The following KLHL5 variants were observed in gnomAD, a reference collection of about 807,000 sequenced individuals.
KLHL5 encodes kelch-like protein 5.
In KLHL5, 48 loss-of-function variants were observed where a neutral mutation model predicts 77.7. The ratio of observed to expected loss-of-function variants is 0.62; its 90% CI spans 0.49 to 0.79. The LOEUF (loss-of-function observed/expected upper bound fraction) is 0.79. Ranked by LOEUF, KLHL5 falls within the 30% of genes least tolerant of loss-of-function variation. The pLI, the probability that KLHL5 is intolerant of heterozygous loss-of-function variation, is 0.00. For missense variants in KLHL5, 723 were observed against 859.7 expected, an observed-to-expected ratio of 0.84 and a Z score of 1.99; for synonymous variants, 260 against 297.0, an observed-to-expected ratio of 0.88 and a Z score of 1.28.
At chr4:39,086,817 G>A (rs2109407687) in intron 5 of KLHL5, 90 bp downstream of exon 5, 2 of 945,490 alleles carry the variant, frequency 2.1e-6, no homozygotes, top group Non-Finnish European at 3.3e-6. Flanking sequence ...AAACGTGTAG[G>A]TGAAAAGATA....
the KLHL5 span, among the ~76,000 whole-genome samples, chr4:39,140,715 T>G: frequency 6.6e-6 from 1 of 152,218 alleles, no homozygotes; most frequent in African/African-American, 2.4e-5. Flanking sequence ...AATTGATTAT[T>G]GAAAACTGCA....
At chr4:39,083,515 T>C (rs2109391523) in intron 4 of KLHL5, among the ~76,000 whole-genome samples, 1 of 152,316 alleles carries the variant, frequency 6.6e-6, no homozygotes, top group South Asian at 2.1e-4. Context: ...AAAGAGATTG[T>C]ACAACAGGAT....
chr4:39,124,802 C>CAAAA lies in KLHL5; in HGVS notation c.*3757_*3760dup, dbSNP rs71643268. On this transcript the variant is annotated 3_prime_UTR_variant, in exon 11 of 11. Coordinates refer to ENST00000504108, the MANE Select transcript of KLHL5 (RefSeq NM_015990.5). Reference sequence around the variant, plus strand: ...GCACCAAAAGCACAAGCAACAACAGCAAAAAAAAAAAAAAAAAAAAAAAAT... The same window carrying CAAAA: ...GCACCAAAAGCACAAGCAACAACAGCAAAAAAAAAAAAAAAAAAAAAAAAAAAAT... 0.2 allele frequency among the ~76,000 whole-genome samples: 8,609 copies of CAAAA among 43,308 alleles called. 818 individuals are homozygous for CAAAA. Among genetic ancestry groups the CAAAA allele is most frequent in the Non-Finnish European group, 0.27 (6,016 of 22,260 alleles). 28.4% of individuals were successfully genotyped at this position (43,308 alleles called of 152,430 possible). A position where few individuals can be genotyped will look rare whatever the true frequency, so the allele number is the denominator to read the frequency against.
chr4:39,059,121 G>A (rs1174753057), upstream of KLHL5, among the ~76,000 whole-genome samples: 1 of 152,010 alleles, frequency 6.6e-6, no homozygotes, highest in Non-Finnish European at 1.5e-5. Context: ...AAATTTTGGG[G>A]CAAAACAATT....
intron 1 of KLHL5, among the ~76,000 whole-genome samples, chr4:39,065,195 C>G (rs535379020): frequency 6.6e-6 from 1 of 152,016 alleles, no homozygotes; most frequent in South Asian, 2.1e-4. Flanking sequence ...TTACATCTTC[C>G]TTCAACACCC....
upstream of KLHL5, chr4:39,062,198 AAG>A: frequency 4.9e-6 from 5 of 1,018,246 alleles, no homozygotes; most frequent in Middle Eastern, 4.6e-4. Context: ...TCAGCAATGA[AAG>A]AGTTAATATA....
chr4:39,108,796 G>A (rs1722229199), intron 8 of KLHL5, among the ~76,000 whole-genome samples: 1 of 152,098 alleles, frequency 6.6e-6, no homozygotes, highest in Non-Finnish European at 1.5e-5. Flanking sequence ...TGACCCTTTG[G>A]TTTAAACCTT....
intron 1 of KLHL5, among the ~76,000 whole-genome samples, chr4:39,065,463 C>G (rs1717809984): frequency 6.6e-6 from 1 of 151,756 alleles, no homozygotes; most frequent in Non-Finnish European, 1.5e-5. Flanking sequence ...AAGCCATTCT[C>G]CTGCCTCAGC....
At chr4:39,090,543 G>A (rs548362757) in intron 5 of KLHL5, among the ~76,000 whole-genome samples, 103 of 151,608 alleles carry the variant, frequency 6.8e-4, no homozygotes, top group African/African-American at 2.4e-3. Flanking sequence ...CTGCCTCCTG[G>A]GTTCAAGAGA....
chr4:39,109,982 C>T (rs1170129256), intron 8 of KLHL5, among the ~76,000 whole-genome samples: 25 of 152,248 alleles, frequency 1.6e-4, no homozygotes, highest in Non-Finnish European at 5.9e-5. Flanking sequence ...AATTTTTCTT[C>T]CTACCATGTT....
At chr4:39,048,638 C>CTT (rs34713116) in intron 1 of KLHL5, among the ~76,000 whole-genome samples, 21 of 79,134 alleles carry the variant, frequency 2.7e-4, no homozygotes, top group African/African-American at 5.4e-4. Flanking sequence ...TTTACATTGG[C>CTT]TTTTTTTTTT....
intron 6 of KLHL5, 60 bp downstream of exon 6, chr4:39,096,938 G>T: frequency 7.3e-7 from 1 of 1,374,982 alleles, no homozygotes. Flanking sequence ...TTTAATAAGT[G>T]TATATATGGC....
rs955852175 is a variant in KLHL5 at position 39,062,392 on chromosome 4, A to C, written c.-261A>C. The C allele has an allele frequency of 6.9e-7, 1 of 1,455,992 alleles. No homozygotes were observed. Among genetic ancestry groups the C allele is most frequent in the African/African-American group, 1.4e-5 (1 of 70,034 alleles). The allele number at this position is 1,455,992 out of a possible 1,614,324, so 90.2% of individuals were successfully genotyped here. ...GCCGGGAAAGTGGTCTAGCTGCTTC[A>C]GGATAGGTGGATGAGAGTTTGCTCT... On this transcript the variant is annotated 5_prime_UTR_variant, in exon 1 of 11. Transcript: ENST00000504108.
At chr4:39,126,859 T>G (rs554641727), downstream of KLHL5, 1 of 404,386 alleles carries the variant, frequency 2.5e-6, no homozygotes, top group African/African-American at 2.1e-5. Flanking sequence ...GTATTTAATG[T>G]AAGTAACTAG....
At chr4:39,067,183 T>G (rs1336158849) in intron 1 of KLHL5, among the ~76,000 whole-genome samples, 1 of 152,222 alleles carries the variant, frequency 6.6e-6, no homozygotes, top group East Asian at 1.9e-4. Context: ...TATGTCTCCT[T>G]AGCCTCCTCT....
intron 4 of KLHL5, among the ~76,000 whole-genome samples, chr4:39,083,036 A>C (rs767692571): frequency 3.9e-5 from 6 of 152,178 alleles, no homozygotes; most frequent in Non-Finnish European, 8.8e-5. Context: ...ATTCACATAC[A>C]TATGTACAGT....
In KLHL5 at chr4:39,122,201, T is replaced by TA. The variant is rs1723248498; in HGVS notation, c.*1136dup. 1.3e-5 allele frequency: 2 copies of TA among 152,606 alleles called. No homozygotes were observed. Among genetic ancestry groups the TA allele is most frequent in the South Asian group, 4.1e-4 (2 of 4,826 alleles). 9.5% of individuals were successfully genotyped at this position (152,606 alleles called of 1,614,324 possible). A position where few individuals can be genotyped will look rare whatever the true frequency, so the allele number is the denominator to read the frequency against. ...ACATTTTGTGATAAATCCTATAAGA[T>TA]ATAAGTCATTGAGATGTCTAAGATG... On this transcript the variant is annotated 3_prime_UTR_variant, in exon 11 of 11. Coordinates refer to ENST00000504108, the MANE Select transcript of KLHL5 (RefSeq NM_015990.5).
At chr4:39,095,874 TTATATATGTTATACATA>T (rs918715864) in intron 5 of KLHL5, among the ~76,000 whole-genome samples, 9 of 151,494 alleles carry the variant, frequency 5.9e-5, no homozygotes, top group Non-Finnish European at 1.2e-4. Flanking sequence ...TTACATATAT[TTATATATGTTATACATA>T]TAAATGTATG....
intron 10 of KLHL5, among the ~76,000 whole-genome samples, chr4:39,120,623 C>T (rs539896198): frequency 2.0e-5 from 3 of 152,340 alleles, no homozygotes; most frequent in Non-Finnish European, 4.4e-5. Flanking sequence ...TAGAGGACCT[C>T]TCTAGATAAC....
Sources: gnomAD v4.1 joint callset for allele counts (sites outside exome capture counted in the v4.1 genomes callset) on GRCh38, gnomAD v4.1.1 for gene constraint, MANE v1.5 for transcripts, NCBI Gene and HGNC (gene_info 2026-07-23, HGNC 2026-07-21) for gene names.